Variants in UPRT observed in about 807,000 individuals in gnomAD.
The protein encoded by UPRT is RP11-311P8.3.
Under a neutral mutation model 22.6 loss-of-function variants are expected in UPRT, and 5 were observed. The ratio of observed to expected loss-of-function variants is 0.22; its 90% CI spans 0.12 to 0.47. The LOEUF (loss-of-function observed/expected upper bound fraction) is 0.47. UPRT is among the 20% of genes least tolerant of loss of function. UPRT has a pLI of 0.99. For synonymous variants in UPRT, 77 were observed against 87.7 expected (o/e 0.88, Z 0.68); for missense variants, 181 against 239.9 (o/e 0.75, Z 1.62).
chrX:75,203,424 A>T (rs2082353061), intron 4 of UPRT, among the ~76,000 whole-genome samples: 1 of 108,655 alleles, frequency 9.2e-6, no homozygotes, highest in African/African-American at 3.4e-5. Context: ...CAGGACTTGA[A>T]CTCAGCTCTG....
rs188641906 is a variant in UPRT at position 75,284,511 on chromosome X, C to G, written c.387-8961C>G. On this transcript the variant is annotated intron_variant, in intron 1 of 6. Transcript: ENST00000373383. Reference sequence around the variant, plus strand: ...TGTTTCCTTGATGTAGTACTCTCCTCCGTTTCCTATGGATGTGGCTTCCTG... The same window carrying G: ...TGTTTCCTTGATGTAGTACTCTCCTGCGTTTCCTATGGATGTGGCTTCCTG... Among the ~76,000 whole-genome samples the G allele has an allele frequency of 1.7e-4, 19 of 111,874 alleles. No individual in the cohort carries two copies. The Admixed American group carries it at 1.8e-3, about 11-fold the overall frequency.
chrX:75,252,957 C>G (rs1392031943), intron 4 of UPRT, among the ~76,000 whole-genome samples: 1 of 111,468 alleles, frequency 9.0e-6, no homozygotes, highest in Non-Finnish European at 1.9e-5. Context: ...AAACGAAACA[C>G]CACATGTTGT....
At chrX:75,270,769 A>C (rs1384956032), upstream of UPRT, among the ~76,000 whole-genome samples, 1 of 111,358 alleles carries the variant, frequency 9.0e-6, no homozygotes, top group Non-Finnish European at 1.9e-5. Flanking sequence ...TTGGGATGCT[A>C]GGGGAGGGAT....
intron 4 of UPRT, among the ~76,000 whole-genome samples, chrX:75,212,349 G>A (rs1569266657): frequency 8.9e-6 from 1 of 112,004 alleles, no homozygotes; most frequent in African/African-American, 3.2e-5. Context: ...AGACCACAGG[G>A]CAATCAAATT....
upstream of UPRT, among the ~76,000 whole-genome samples, chrX:75,272,736 T>C (rs2082615619): frequency 9.7e-6 from 1 of 102,708 alleles, no homozygotes; most frequent in Non-Finnish European, 2.0e-5. Context: ...CCTATGGAAA[T>C]AAAAAAAAAA....
chrX:75,195,604 G>A (rs12012113), intron 4 of UPRT, among the ~76,000 whole-genome samples: 1,350 of 112,011 alleles, frequency 0.012, 22 homozygotes, highest in African/African-American at 0.042. Context: ...GTCTCCTGCT[G>A]CCAGTAATCC....
Position 75,178,350 on chromosome X carries a change from C to T in UPRT, c.-447+10471C>T, listed in dbSNP as rs746985648. Among the ~76,000 whole-genome samples the T allele has an allele frequency of 1.2e-4, 13 of 111,784 alleles. No homozygotes were observed. The South Asian group carries it at 4.9e-3, about 43-fold the overall frequency. ...GGGTCCGATGGTACTCACTGCTTGGCGATAGGCGAAAGTCTCACCGCTCAG... is the reference window on the plus strand; with the variant it reads ...GGGTCCGATGGTACTCACTGCTTGGTGATAGGCGAAAGTCTCACCGCTCAG... On this transcript the variant is annotated intron_variant, in intron 4 of 13. Transcript: ENST00000652605.
At chrX:75,233,753 C>T (rs1462478943) in intron 4 of UPRT, among the ~76,000 whole-genome samples, 1 of 110,459 alleles carries the variant, frequency 9.1e-6, no homozygotes, top group African/African-American at 3.3e-5. Flanking sequence ...TTTGTCACCA[C>T]CAGGCCTGCC....
In UPRT at chrX:75,297,771, C is replaced by T; in HGVS notation, c.562+218C>T. 3 of 391,551 alleles carry T rather than the reference C, an allele frequency of 7.7e-6. No homozygotes were observed. In the Admixed American group the frequency reaches 1.3e-4, roughly 17 times the overall value. The allele number at this position is 391,551 out of a possible 1,213,427, so 32.3% of individuals were successfully genotyped here. A position where few individuals can be genotyped will look rare whatever the true frequency, so the allele number is the denominator to read the frequency against. ...AGAGCGTATTCCCTAATAGAGTGCTCCCATGGGCAAGCCAGCTTTCAAAGA... is the reference window on the plus strand; with the variant it reads ...AGAGCGTATTCCCTAATAGAGTGCTTCCATGGGCAAGCCAGCTTTCAAAGA... On this transcript the variant is annotated intron_variant, in intron 4 of 6. Coordinates refer to ENST00000373383, the MANE Select transcript of UPRT (RefSeq NM_145052.4).
At chrX:75,245,119 C>T (rs1308629408) in intron 4 of UPRT, among the ~76,000 whole-genome samples, 1 of 110,547 alleles carries the variant, frequency 9.0e-6, no homozygotes, top group Non-Finnish European at 1.9e-5. Context: ...GGGCAAAGGA[C>T]ATCAACAGAC....
chrX:75,208,955 A>G (rs1182166588), intron 4 of UPRT, among the ~76,000 whole-genome samples: 2 of 111,801 alleles, frequency 1.8e-5, no homozygotes, highest in Non-Finnish European at 3.8e-5. Flanking sequence ...AGTAAAATAA[A>G]ATGGGTAGAA....
chrX:75,293,151 G>T (rs1199449933), intron 1 of UPRT, among the ~76,000 whole-genome samples: 1 of 111,029 alleles, frequency 9.0e-6, no homozygotes, highest in Non-Finnish European at 1.9e-5. Flanking sequence ...TTTAGCTCTG[G>T]ACTTGCTCTC....
chrX:75,191,669 C>T (rs1412542983), intron 4 of UPRT, among the ~76,000 whole-genome samples: 1 of 112,104 alleles, frequency 8.9e-6, no homozygotes, highest in African/African-American at 3.2e-5. Context: ...ATGGTGGGTG[C>T]CCCTACCCTA....
intron 4 of UPRT, among the ~76,000 whole-genome samples, chrX:75,249,928 A>G (rs1315791150): frequency 8.9e-6 from 1 of 111,918 alleles, no homozygotes; most frequent in African/African-American, 3.2e-5. Context: ...GCTCAACTAC[A>G]TGGAAACTGA....
At position 75,293,413 on chromosome X, in the gene UPRT, A is replaced by G; in HGVS notation, c.387-59A>G. Reference sequence around the variant, plus strand: ...TAATATCAGTGTTACTGTACATATTAAATAACATTTTGCCTTAAAGCTCTA... The same window carrying G: ...TAATATCAGTGTTACTGTACATATTGAATAACATTTTGCCTTAAAGCTCTA... On this transcript the variant is annotated intron_variant, in intron 1 of 6. Coordinates refer to ENST00000373383, the MANE Select transcript of UPRT (RefSeq NM_145052.4). 5.5e-6 allele frequency: 6 copies of G among 1,083,174 alleles called. No homozygotes were observed. In the South Asian group the frequency reaches 1.2e-4, roughly 22 times the overall value. 89.3% of individuals were successfully genotyped at this position (1,083,174 alleles called of 1,213,427 possible).
chrX:75,189,468 G>C (rs780552767), intron 4 of UPRT, among the ~76,000 whole-genome samples: 4 of 111,974 alleles, frequency 3.6e-5, no homozygotes, highest in African/African-American at 9.7e-5. Context: ...GTTGATTTGG[G>C]GTGGAGAGTT....
chrX:75,159,437 G>A (rs2082192413), intron 1 of UPRT, among the ~76,000 whole-genome samples: 1 of 111,874 alleles, frequency 8.9e-6, no homozygotes, highest in South Asian at 3.7e-4. Context: ...GATATCATAT[G>A]CATCATGTAT....
chrX:75,180,469 G>A (rs2082265315), intron 4 of UPRT, among the ~76,000 whole-genome samples: 1 of 111,508 alleles, frequency 9.0e-6, no homozygotes, highest in Non-Finnish European at 1.9e-5. Flanking sequence ...CACAGCTTGG[G>A]CTCTCACAGT....
chrX:75,293,550 T>C, intron 2 of UPRT, 36 bp downstream of exon 2: 1 of 1,173,334 alleles, frequency 8.5e-7, no homozygotes, highest in African/African-American at 1.8e-5. Flanking sequence ...TTCATTGTTT[T>C]GCCTAGTGAT....
Sources: allele counts gnomAD v4.1 joint callset (sites outside exome capture counted in the v4.1 genomes callset), GRCh38; gene constraint gnomAD v4.1.1; transcripts MANE v1.5; gene names NCBI Gene and HGNC (gene_info 2026-07-23, HGNC 2026-07-21).